PPEF1: variants seen among roughly 807,000 people sequenced by gnomAD.
PPEF1 encodes the protein serine/threonine-protein phosphatase with EF-hands 1.
Under a neutral mutation model 53.3 loss-of-function variants are expected in PPEF1, and 12 were observed. The ratio of observed to expected loss-of-function variants is 0.23; its 90% CI spans 0.14 to 0.36. PPEF1 has a LOEUF of 0.36. PPEF1 is among the 10% of genes least tolerant of loss of function. The pLI is 1.00. For missense variants in PPEF1, 334 were observed against 490.4 expected (o/e 0.68, Z 3.01); for synonymous variants, 165 against 176.7 (o/e 0.93, Z 0.52).
chrX:18,810,333 GCACACA>G (rs372609345), intron 12 of PPEF1, among the ~76,000 whole-genome samples: 3 of 102,170 alleles, frequency 2.9e-5, no homozygotes, highest in East Asian at 6.1e-4. Context: ...CTCTCTCTGC[GCACACA>G]CACACACACA....
chrX:18,751,641 A>G, intron 4 of PPEF1, among the ~76,000 whole-genome samples: 1 of 111,955 alleles, frequency 8.9e-6, no homozygotes, highest in Middle Eastern at 4.6e-3. Flanking sequence ...TTAGCCAGGC[A>G]TGGTGGCTCA....
chrX:18,794,665 A>G (rs2046394501), intron 10 of PPEF1, among the ~76,000 whole-genome samples: 1 of 112,687 alleles, frequency 8.9e-6, no homozygotes, highest in African/African-American at 3.2e-5. Context: ...GCTTCTGCCC[A>G]ATGAGCGGGA....
chrX:18,702,325 T>G (rs1363704753), intron 6 of PPEF1, among the ~76,000 whole-genome samples: 2 of 109,944 alleles, frequency 1.8e-5, no homozygotes, highest in African/African-American at 6.6e-5. Context: ...GTAGAGGGTG[T>G]TGGTATCAGT....
intron 9 of PPEF1, among the ~76,000 whole-genome samples, chrX:18,785,847 A>G (rs1284738636): frequency 9.0e-6 from 1 of 111,204 alleles, no homozygotes; most frequent in Admixed American, 9.6e-5. Flanking sequence ...GCACCACTGC[A>G]CTCCAGCCTG....
chrX:18,768,401 G>A (rs1205290817), intron 6 of PPEF1, among the ~76,000 whole-genome samples: 5 of 112,245 alleles, frequency 4.5e-5, no homozygotes, highest in African/African-American at 1.6e-4. Flanking sequence ...ATACAGCATA[G>A]CATGAATAGG....
upstream of PPEF1, among the ~76,000 whole-genome samples, chrX:18,706,319 A>G (rs1307281350): frequency 9.1e-6 from 1 of 109,771 alleles, no homozygotes; most frequent in African/African-American, 3.3e-5. Flanking sequence ...ACGTGACAGT[A>G]TACTATGGAA....
At chrX:18,779,327 C>T (rs2046035595) in intron 7 of PPEF1, 151 bp downstream of exon 7, 1 of 494,293 alleles carries the variant, frequency 2.0e-6, no homozygotes, top group South Asian at 5.0e-5. Context: ...CCTTTCACCA[C>T]CCCCATTATT....
Position 18,760,924 on chromosome X carries a change from G to A in PPEF1, c.512-606G>A, listed in dbSNP as rs766519368. ...CCCCCACAAGTAGCTGGGATTACAGGCGTGTGCCACCATGCACAGCTAATT... is the reference window on the plus strand; with the variant it reads ...CCCCCACAAGTAGCTGGGATTACAGACGTGTGCCACCATGCACAGCTAATT... On this transcript the variant is annotated intron_variant, in intron 5 of 15. Coordinates refer to ENST00000470157, the MANE Select transcript of PPEF1 (RefSeq NM_001377996.1). Among the ~76,000 whole-genome samples the A allele has an allele frequency of 1.0e-4, 11 of 110,179 alleles. No homozygotes were observed. The Admixed American group carries it at 1.1e-3, about 11-fold the overall frequency.
chrX:18,707,572 G>C (rs190891201), upstream of PPEF1: 12 of 388,353 alleles, frequency 3.1e-5, no homozygotes, highest in Middle Eastern at 2.8e-3. Flanking sequence ...CAGAAGAAGC[G>C]TAAAATGAAT....
intron 10 of PPEF1, among the ~76,000 whole-genome samples, chrX:18,794,700 G>A (rs2046395357): frequency 8.9e-6 from 1 of 112,627 alleles, no homozygotes; most frequent in Non-Finnish European, 1.9e-5. Context: ...CCTCTCTGCT[G>A]TGCTTGCCTG....
chrX:18,729,848 A>G (rs968659672), intron 1 of PPEF1, among the ~76,000 whole-genome samples: 3 of 111,878 alleles, frequency 2.7e-5, no homozygotes, highest in Non-Finnish European at 3.8e-5. Flanking sequence ...TATTATTCCT[A>G]TTTTACAGAT....
At chrX:18,697,346 C>G (rs981449060) in intron 4 of PPEF1, among the ~76,000 whole-genome samples, 1 of 111,469 alleles carries the variant, frequency 9.0e-6, no homozygotes, top group Non-Finnish European at 1.9e-5. Flanking sequence ...ATCCGGGCAC[C>G]TTTATGTAAT....
intron 12 of PPEF1, among the ~76,000 whole-genome samples, chrX:18,807,941 T>C (rs972051975): frequency 2.8e-5 from 3 of 105,927 alleles, no homozygotes; most frequent in African/African-American, 1.0e-4. Flanking sequence ...ATTACAGGTG[T>C]GAGCTACCAC....
At chrX:18,774,024 T>C (rs1284823152) in intron 6 of PPEF1, among the ~76,000 whole-genome samples, 2 of 112,295 alleles carry the variant, frequency 1.8e-5, no homozygotes, top group Non-Finnish European at 3.8e-5. Flanking sequence ...ATATATTTCA[T>C]GATTCATTGT....
At chrX:18,720,871 C>G (rs1480056258) in intron 1 of PPEF1, among the ~76,000 whole-genome samples, 1 of 110,900 alleles carries the variant, frequency 9.0e-6, no homozygotes, top group African/African-American at 3.3e-5. Context: ...ACCCCCTCAT[C>G]TCCTCAACTT....
chrX:18,806,085 C>T lies in PPEF1; in HGVS notation c.1252-318C>T, dbSNP rs142508399. On this transcript the variant is annotated intron_variant, in intron 11 of 15. Transcript: ENST00000470157. ...AAGGCAAGAAAATAGGGGATTTATC[C>T]CCTTGGAAAAAGAATTTGCAAAATC... 9.0e-5 allele frequency among the ~76,000 whole-genome samples: 10 copies of T among 110,575 alleles called. No individual in the cohort carries two copies. In the East Asian group the frequency reaches 2.9e-3, roughly 32 times the overall value.
At chrX:18,771,640 G>T (rs1444173172) in intron 6 of PPEF1, among the ~76,000 whole-genome samples, 1 of 111,158 alleles carries the variant, frequency 9.0e-6, no homozygotes, top group African/African-American at 3.3e-5. Flanking sequence ...CTTGAGCAAT[G>T]CTGGGGTTAG....
At chrX:18,736,937 C>CTGATGGTAGTTTGTATTTCTG (rs1469085090) in intron 3 of PPEF1, among the ~76,000 whole-genome samples, 1 of 112,201 alleles carries the variant, frequency 8.9e-6, no homozygotes, top group Non-Finnish European at 1.9e-5. Flanking sequence ...ATAGTATTCT[C>CTGATGGTAGTTTGTATTTCTG]TGATGGTAGT....
intron 1 of PPEF1, among the ~76,000 whole-genome samples, chrX:18,719,564 C>T (rs1020164259): frequency 1.8e-5 from 2 of 109,941 alleles, no homozygotes; most frequent in Non-Finnish European, 3.8e-5. Context: ...CCAGGCTGGT[C>T]GTGAACTCCT....
Sources: gnomAD v4.1 joint callset for allele counts (sites outside exome capture counted in the v4.1 genomes callset) on GRCh38, gnomAD v4.1.1 for gene constraint, MANE v1.5 for transcripts, NCBI Gene and HGNC (gene_info 2026-07-23, HGNC 2026-07-21) for gene names.